KCNMA1: variants seen among roughly 807,000 people sequenced by gnomAD.
KCNMA1 encodes the protein potassium calcium-activated channel subfamily M alpha 1.
A neutral mutation model predicts 140.0 loss-of-function variants in KCNMA1; 29 were observed. The ratio of observed to expected loss-of-function variants is 0.21; its 90% CI spans 0.15 to 0.28. KCNMA1 has a LOEUF of 0.28. KCNMA1 is among the 10% of genes least tolerant of loss of function. The pLI, the probability that KCNMA1 is intolerant of heterozygous loss-of-function variation, is 1.00. For synonymous variants in KCNMA1, 612 were observed against 611.9 expected, an observed-to-expected ratio of 1.00 and a Z score of 0.00; for missense variants, 880 against 1,602.2, an observed-to-expected ratio of 0.55 and a Z score of 7.70.
rs543651159 is a variant in KCNMA1 at position 77,189,391 on chromosome 10, G to A, written c.603-4475C>T. Among the ~76,000 whole-genome samples, 20 of 152,170 alleles carry A rather than the reference G, an allele frequency of 1.3e-4. 1 individual carries two copies. In the South Asian group the frequency reaches 4.2e-3, roughly 32 times the overall value. On this transcript the variant is annotated intron_variant, in intron 3 of 27. Coordinates refer to ENST00000286628, the MANE Select transcript of KCNMA1 (RefSeq NM_001161352.2). ...TTTTCTGTTTCAGATGCGAACAAGGGGGTGAAAAAATTAAAAAGATACAGG... is the reference window on the plus strand; with the variant it reads ...TTTTCTGTTTCAGATGCGAACAAGGAGGTGAAAAAATTAAAAAGATACAGG...
chr10:77,345,215 T>C (rs942477149), intron 2 of KCNMA1, among the ~76,000 whole-genome samples: 1 of 152,218 alleles, frequency 6.6e-6, no homozygotes, highest in African/African-American at 2.4e-5. Flanking sequence ...TTATTTGCCT[T>C]CAACTTTCAC....
intron 5 of KCNMA1, among the ~76,000 whole-genome samples, chr10:77,157,223 C>T (rs542175241): frequency 1.3e-5 from 2 of 152,206 alleles, no homozygotes; most frequent in African/African-American, 2.4e-5. Context: ...AGGCGGGTCC[C>T]GAGGTCAGGA....
chr10:77,009,819 C>A (rs1325439687), intron 18 of KCNMA1, among the ~76,000 whole-genome samples: 1 of 152,156 alleles, frequency 6.6e-6, no homozygotes, highest in Non-Finnish European at 1.5e-5. Flanking sequence ...GCCTTCCTGA[C>A]CTTCCAAGCT....
intron 1 of KCNMA1, among the ~76,000 whole-genome samples, chr10:77,581,450 T>C (rs2720002): frequency 1 from 152,269 of 152,276 alleles, 76,131 homozygotes; most frequent in Non-Finnish European, 1. Context: ...GGACTACAGG[T>C]GCCCGCCACC....
intron 14 of KCNMA1, among the ~76,000 whole-genome samples, chr10:77,053,050 T>C (rs560148907): frequency 3.2e-4 from 48 of 152,304 alleles, no homozygotes; most frequent in Middle Eastern, 6.8e-3. Flanking sequence ...TTACCACTCA[T>C]TGTAGTTCAG....
At chr10:77,357,898 G>T (rs1357231055) in intron 2 of KCNMA1, among the ~76,000 whole-genome samples, 1 of 152,072 alleles carries the variant, frequency 6.6e-6, no homozygotes, top group African/African-American at 2.4e-5. Context: ...AGACAGAATG[G>T]CTTAAAAATC....
intron 2 of KCNMA1, among the ~76,000 whole-genome samples, chr10:77,343,127 A>T (rs2154377893): frequency 6.6e-6 from 1 of 152,234 alleles, no homozygotes; most frequent in East Asian, 1.9e-4. Flanking sequence ...AGGGGACCCC[A>T]GGTGAGCATT....
chr10:77,077,015 T>C (rs141207725), intron 13 of KCNMA1, among the ~76,000 whole-genome samples: 3 of 152,006 alleles, frequency 2.0e-5, no homozygotes, highest in Non-Finnish European at 4.4e-5. Context: ...GCATCTAGGA[T>C]GAGTGCAGCA....
At chr10:76,907,848 CTTTT>C (rs2048418615) in intron 25 of KCNMA1, among the ~76,000 whole-genome samples, 1 of 152,188 alleles carries the variant, frequency 6.6e-6, no homozygotes, top group African/African-American at 2.4e-5. Context: ...CCCCAAGTCT[CTTTT>C]GTTTTAATAC....
intron 1 of KCNMA1, among the ~76,000 whole-genome samples, chr10:77,439,338 A>AGTAC (rs1302071546): frequency 2.0e-5 from 3 of 152,212 alleles, no homozygotes; most frequent in Non-Finnish European, 4.4e-5. Flanking sequence ...CAACCTAGAA[A>AGTAC]GTACGTTAGA....
At chr10:77,282,637 T>C (rs2069072727) in intron 2 of KCNMA1, among the ~76,000 whole-genome samples, 2 of 152,058 alleles carry the variant, frequency 1.3e-5, no homozygotes, top group Non-Finnish European at 2.9e-5. Flanking sequence ...TAATTGTGCA[T>C]CCTTCCTGCC....
intron 3 of KCNMA1, among the ~76,000 whole-genome samples, chr10:77,186,901 T>C (rs1231785589): frequency 6.6e-6 from 1 of 151,870 alleles, no homozygotes; most frequent in East Asian, 1.9e-4. Flanking sequence ...GGGACTCACA[T>C]AGCTGTGCAT....
chr10:77,606,481 G>T (rs900060904), intron 1 of KCNMA1, among the ~76,000 whole-genome samples: 2 of 152,134 alleles, frequency 1.3e-5, no homozygotes, highest in East Asian at 3.9e-4. Flanking sequence ...ACAGTAGTGC[G>T]CACCTGTAGT....
downstream of KCNMA1, chr10:76,873,442 C>T (rs2031763315): frequency 6.6e-6 from 1 of 152,128 alleles, no homozygotes; most frequent in Non-Finnish European, 1.5e-5. Flanking sequence ...AAAAAATTGC[C>T]TTTTGGGAAT....
At chr10:77,588,973 C>T (rs886472405) in intron 1 of KCNMA1, among the ~76,000 whole-genome samples, 3 of 152,224 alleles carry the variant, frequency 2.0e-5, no homozygotes, top group African/African-American at 7.2e-5. Flanking sequence ...ATAGTGAATA[C>T]TTCAGACTGT....
chr10:76,887,312 C>T lies in KCNMA1; in HGVS notation c.3665G>A (p.Arg1222Lys). The change falls in exon 28 of 28, where the codon AGG becomes AAG. Residue 1222 changes from arginine (R) to lysine (K), a missense_variant. Physicochemically the swap from Arg to Lys is conservative, Grantham distance 26. Transcript: ENST00000286628. ...GTACTTCTGTTTGTCCCGGGACTCC[C>T]TGGACTTGGGCCGGTTCTGTCGGTT... is the stretch of plus-strand genomic sequence containing the variant. ...TANRQNRPKS[R>K]ESRDKQKYVQ... 1.9e-6 allele frequency: 3 copies of T among 1,614,082 alleles called. No homozygotes were observed. Among genetic ancestry groups the T allele is most frequent in the South Asian group, 1.1e-5 (1 of 91,068 alleles).
chr10:77,538,428 C>T (rs1433156901), intron 1 of KCNMA1, among the ~76,000 whole-genome samples: 2 of 152,194 alleles, frequency 1.3e-5, no homozygotes, highest in Admixed American at 6.5e-5. Flanking sequence ...GCCCCAAACC[C>T]GCTTTGTCTG....
intron 1 of KCNMA1, among the ~76,000 whole-genome samples, chr10:77,599,784 G>T (rs1159964287): frequency 6.6e-6 from 1 of 152,128 alleles, no homozygotes; most frequent in Non-Finnish European, 1.5e-5. Flanking sequence ...CTGCCTTTCA[G>T]GGTCAGGAGG....
At chr10:77,427,819 G>A (rs1051065713) in intron 1 of KCNMA1, among the ~76,000 whole-genome samples, 4 of 151,528 alleles carry the variant, frequency 2.6e-5, no homozygotes, top group East Asian at 1.9e-4. Flanking sequence ...GCATGATCTC[G>A]GCTCACTGCT....
Sources: allele counts gnomAD v4.1 joint callset (sites outside exome capture counted in the v4.1 genomes callset), GRCh38; gene constraint gnomAD v4.1.1; transcripts MANE v1.5; gene names NCBI Gene and HGNC (gene_info 2026-07-23, HGNC 2026-07-21).